PODNL1: variants seen among roughly 807,000 people sequenced by gnomAD.
PODNL1 encodes podocan like 1.
PODNL1 carries 50 observed loss-of-function variants against 45.1 expected under a neutral mutation model. The observed-to-expected ratio is 1.11, with a 90% CI of 0.88 to 1.40. PODNL1 has a LOEUF of 1.40. Ranked by LOEUF, PODNL1 falls within the 40% of genes most tolerant of loss-of-function variation. The probability of loss-of-function intolerance (pLI) is 0.00; values close to 1 mark genes in which losing one functional copy is unlikely to be tolerated. For synonymous variants in PODNL1, 406 were observed against 372.5 expected (o/e 1.09, Z -1.04); for missense variants, 788 against 793.3 (o/e 0.99, Z 0.08).
At chr19:13,941,082 T>C (rs1439905080), upstream of PODNL1, among the ~76,000 whole-genome samples, 3 of 150,134 alleles carry the variant, frequency 2.0e-5, no homozygotes, top group Non-Finnish European at 4.5e-5. Flanking sequence ...AAGTATAGTG[T>C]CGGCCAAGGA....
At chr19:13,940,363 A>C (rs1972614303), upstream of PODNL1, among the ~76,000 whole-genome samples, 1 of 143,802 alleles carries the variant, frequency 7.0e-6, no homozygotes, top group Admixed American at 7.0e-5. Flanking sequence ...CAAGGTCAAG[A>C]GATCGAGACC....
Position 13,937,828 on chromosome 19 carries a change from AAC to A in PODNL1, c.180_181del (p.Phe61ProfsTer25). ...AGCGGCTCTGGTGATGTTGTCCGGG[AAC>A]ACTCGAAGGTCCAAGCCATCACAGT... On this transcript the variant is annotated frameshift_variant, in exon 2 of 10. Coordinates refer to ENST00000588872, the MANE Select transcript of PODNL1 (RefSeq NM_001370095.3). LOFTEE classifies it high-confidence loss of function. 6.3e-7 allele frequency: 1 copy of A among 1,596,304 alleles called. No individual in the cohort carries two copies. The highest frequency in any genetic ancestry group is 8.5e-7 in the Non-Finnish European group (1 of 1,173,032).
intron 1 of PODNL1, among the ~76,000 whole-genome samples, chr19:13,945,745 A>G (rs1209503638): frequency 6.6e-6 from 1 of 151,900 alleles, no homozygotes; most frequent in African/African-American, 2.4e-5. Flanking sequence ...TCAGCCTCCC[A>G]AAGTGTTGGG....
chr19:13,952,487 T>G, intron 1 of PODNL1: 1 of 1,247,864 alleles, frequency 8.0e-7, no homozygotes, highest in Non-Finnish European at 1.0e-6. Flanking sequence ...GGCCGGTTGC[T>G]CCGGAAGTGG....
rs772919396 is a variant in PODNL1 at position 13,933,337 on chromosome 19, C to T, written c.886G>A (p.Glu296Lys). 13 of 1,605,070 alleles carry T rather than the reference C, an allele frequency of 8.1e-6. No individual in the cohort carries two copies. In the South Asian group the frequency reaches 1.3e-4, roughly 16 times the overall value. Residue 296 changes from glutamate to lysine, a missense_variant, in exon 8 of 10, where the codon GAG becomes AAG. By Grantham distance (56) the Glu-to-Lys change is moderately conservative (BLOSUM62 1). This residue lies in a region of PODNL1 where 762 missense variants were observed against 750.9 expected (regional missense o/e 1.01). Transcript: ENST00000588872. This position sits in a 1 kb window ranked among gnomAD's most constrained non-coding sequence, Gnocchi z 5.2. ...CGCGCCCCGTGCAGCCGAGCCGCCT[C>T]CACCTGCCGGATGCGGTTGCGGCCC... ...HLGRNRIRQV[E>K]AARLHGARGL...
chr19:13,939,238 C>CTGTCA (rs1308342356), upstream of PODNL1, among the ~76,000 whole-genome samples: 2 of 152,142 alleles, frequency 1.3e-5, no homozygotes, highest in African/African-American at 2.4e-5. Context: ...GAGTCTCACT[C>CTGTCA]TGTCACTCTG....
At chr19:13,936,291 CG>C in intron 3 of PODNL1, 75 bp downstream of exon 3, 1 of 1,372,432 alleles carries the variant, frequency 7.3e-7, no homozygotes, top group Non-Finnish European at 1.0e-6. Flanking sequence ...GCAGATGGGG[CG>C]GGGGAGGGGG....
rs985849752 is a variant in PODNL1 at position 13,931,715 on chromosome 19, G to A, written c.*22C>T. 1.1e-5 allele frequency: 13 copies of A among 1,231,652 alleles called. No individual in the cohort carries two copies. Among genetic ancestry groups the A allele is most frequent in the Non-Finnish European group, 1.3e-5 (13 of 987,926 alleles). 76.3% of individuals were successfully genotyped at this position (1,231,652 alleles called of 1,614,324 possible). A position where few individuals can be genotyped will look rare whatever the true frequency, so the allele number is the denominator to read the frequency against. ...CAGCGGAGTCCCAGGAGTCTGAGCT[G>A]CTCTGCTGGGCCTCTCTAGGATCAG... On this transcript the variant is annotated 3_prime_UTR_variant, in exon 10 of 10. Coordinates refer to ENST00000588872, the MANE Select transcript of PODNL1 (RefSeq NM_001370095.3).
chr19:13,946,189 T>C (rs1972808494), intron 1 of PODNL1, among the ~76,000 whole-genome samples: 1 of 152,082 alleles, frequency 6.6e-6, no homozygotes, highest in Non-Finnish European at 1.5e-5. Flanking sequence ...CCTAGCACTT[T>C]GGGAGGCCGA....
At chr19:13,949,247 A>G (rs889095467) in intron 1 of PODNL1, 2 of 152,064 alleles carry the variant, frequency 1.3e-5, no homozygotes, top group African/African-American at 4.8e-5. Flanking sequence ...GATGTGAGCC[A>G]CCGTGCCTGG....
chr19:13,943,309 AAAAG>A (rs369356274), upstream of PODNL1, among the ~76,000 whole-genome samples: 368 of 152,128 alleles, frequency 2.4e-3, 4 homozygotes, highest in African/African-American at 8.5e-3. Flanking sequence ...AAAAGAAGAA[AAAAG>A]AAAGAAAGAA....
intron 2 of PODNL1, among the ~76,000 whole-genome samples, 170 bp downstream of exon 2, chr19:13,937,615 T>A (rs1333664814): frequency 6.6e-6 from 1 of 152,060 alleles, no homozygotes; most frequent in Non-Finnish European, 1.5e-5. Context: ...ATCTTGGGCA[T>A]GCAGAGCCAA....
intron 1 of PODNL1, among the ~76,000 whole-genome samples, chr19:13,952,302 CT>C (rs1973078613): frequency 6.6e-6 from 1 of 152,228 alleles, no homozygotes; most frequent in Non-Finnish European, 1.5e-5. Context: ...GTGGTACGTC[CT>C]TAAGGCGGGG....
At chr19:13,934,503 G>T (rs938800450) in intron 5 of PODNL1, 93 bp from the exon 6 acceptor site, 2 of 977,736 alleles carry the variant, frequency 2.0e-6, no homozygotes, top group Non-Finnish European at 2.8e-6. Context: ...CCTTCAGTGT[G>T]TGTGTGTGTG....
chr19:13,943,279 A>G (rs1972712954), upstream of PODNL1, among the ~76,000 whole-genome samples: 1 of 151,408 alleles, frequency 6.6e-6, no homozygotes, highest in African/African-American at 2.4e-5. Flanking sequence ...CTGGGCAACG[A>G]GAGTGAAACT....
At chr19:13,948,545 T>C (rs1355025209) in intron 1 of PODNL1, among the ~76,000 whole-genome samples, 1 of 151,038 alleles carries the variant, frequency 6.6e-6, no homozygotes, top group Non-Finnish European at 1.5e-5. Context: ...TAGATTAATC[T>C]AAGTCAGCAT....
In PODNL1 at chr19:13,931,423, G is replaced by A; in HGVS notation, c.*314C>T. ...GTTTCCCCAGCTGGACTGGTTGTGGGGAGGAGTCCGTGGACAGAGCCCCCA... is the reference window on the plus strand; with the variant it reads ...GTTTCCCCAGCTGGACTGGTTGTGGAGAGGAGTCCGTGGACAGAGCCCCCA... On this transcript the variant is annotated 3_prime_UTR_variant, in exon 10 of 10. Coordinates refer to ENST00000588872, the MANE Select transcript of PODNL1 (RefSeq NM_001370095.3). 1 of 293,472 alleles carries A rather than the reference G, an allele frequency of 3.4e-6. No homozygotes were observed. Among genetic ancestry groups the A allele is most frequent in the Non-Finnish European group, 6.3e-6 (1 of 159,364 alleles). 18.2% of individuals were successfully genotyped at this position (293,472 alleles called of 1,614,324 possible).
rs995307023 is a variant in PODNL1, at chr19:13,953,202, G to A, written c.-66C>T. On this transcript the variant is annotated 5_prime_UTR_variant, in exon 1 of 8. Transcript: ENST00000538371. Reference sequence around the variant, plus strand: ...CCGCAGAGTGAGAGTTACCGAAGCAGGCTCTGTCTCCTCCATCAGACTGGA... The same window carrying A: ...CCGCAGAGTGAGAGTTACCGAAGCAAGCTCTGTCTCCTCCATCAGACTGGA... 4.2e-6 allele frequency: 6 copies of A among 1,437,574 alleles called. 1 individual carries two copies. The highest frequency in any genetic ancestry group is 3.6e-4 in the Middle Eastern group (2 of 5,598). 89.1% of individuals were successfully genotyped at this position (1,437,574 alleles called of 1,614,324 possible). A position where few individuals can be genotyped will look rare whatever the true frequency, so the allele number is the denominator to read the frequency against.
chr19:13,935,180 C>T (rs1357749387), intron 5 of PODNL1, among the ~76,000 whole-genome samples: 1 of 151,872 alleles, frequency 6.6e-6, no homozygotes, highest in Non-Finnish European at 1.5e-5. Context: ...ATACTGTCTC[C>T]ACCTCAGTCT....
Sources: gnomAD v4.1 joint callset for allele counts (sites outside exome capture counted in the v4.1 genomes callset) on GRCh38, gnomAD v4.1.1 for gene constraint, gnomAD v4.1.1 regional missense constraint, Gnocchi (gnomAD v3.1) non-coding constraint, MANE v1.5 for transcripts, NCBI Gene and HGNC (gene_info 2026-07-23, HGNC 2026-07-21) for gene names.